The following HOMER1 variants were observed in gnomAD, a reference collection of about 807,000 sequenced individuals.
HOMER1 encodes homer scaffold protein 1, also known as homer protein homolog 1.
A neutral mutation model predicts 48.9 loss-of-function variants in HOMER1; 3 were observed. The ratio of observed to expected loss-of-function variants is 0.06; its 90% CI spans 0.03 to 0.16. The LOEUF is 0.16. Among genes scored for constraint, HOMER1 ranks in the 10% least tolerant of loss-of-function variants. The pLI is 1.00. For synonymous variants in HOMER1, 134 were observed against 146.4 expected (o/e 0.92, Z 0.61); for missense variants, 247 against 411.4 (o/e 0.60, Z 3.46).
intron 8 of HOMER1, among the ~76,000 whole-genome samples, chr5:79,384,345 T>C (rs990314667): frequency 1.3e-5 from 2 of 151,906 alleles, no homozygotes; most frequent in African/African-American, 4.8e-5. Flanking sequence ...ACTACAGAAA[T>C]ACAAAAGATT....
intron 1 of HOMER1, among the ~76,000 whole-genome samples, chr5:79,466,485 A>C (rs980498904): frequency 6.7e-6 from 1 of 149,988 alleles, no homozygotes; most frequent in African/African-American, 2.5e-5. Context: ...CCAACAGAGG[A>C]GACCCTGTCT....
intron 5 of HOMER1, among the ~76,000 whole-genome samples, chr5:79,404,758 G>A (rs904258102): frequency 3.3e-5 from 5 of 152,036 alleles, no homozygotes; most frequent in Non-Finnish European, 7.4e-5. Context: ...AGGCTGGAGT[G>A]CAATGGCACA....
chr5:79,434,067 T>G (rs1242041092), intron 5 of HOMER1, among the ~76,000 whole-genome samples: 1 of 152,106 alleles, frequency 6.6e-6, no homozygotes, highest in Admixed American at 6.5e-5. Context: ...AAGAGCCCAT[T>G]TTCTATCAAG....
intron 5 of HOMER1, among the ~76,000 whole-genome samples, chr5:79,428,483 A>C (rs1750331740): frequency 6.6e-6 from 1 of 152,156 alleles, no homozygotes; most frequent in African/African-American, 2.4e-5. Context: ...TCCTGATAGG[A>C]AAGGAGGAAG....
intron 5 of HOMER1, among the ~76,000 whole-genome samples, chr5:79,426,311 C>T (rs746805010): frequency 3.8e-4 from 57 of 151,978 alleles, no homozygotes; most frequent in African/African-American, 6.3e-4. Context: ...AAAAGATATC[C>T]GCAATCCCAT....
At chr5:79,435,813 A>C (rs922250305) in intron 5 of HOMER1, among the ~76,000 whole-genome samples, 11 of 150,460 alleles carry the variant, frequency 7.3e-5, no homozygotes, top group Non-Finnish European at 1.6e-4. Context: ...CCTGGGCAAC[A>C]GAGTGAGACT....
At chr5:79,380,451 T>C (rs556856385) in intron 8 of HOMER1, among the ~76,000 whole-genome samples, 1 of 152,238 alleles carries the variant, frequency 6.6e-6, no homozygotes, top group Non-Finnish European at 1.5e-5. Flanking sequence ...TGCAGGCTAC[T>C]GCACCCAGGC....
chr5:79,382,449 G>T (rs1012885123), intron 8 of HOMER1, among the ~76,000 whole-genome samples: 13 of 152,070 alleles, frequency 8.5e-5, no homozygotes, highest in African/African-American at 3.1e-4. Flanking sequence ...GACCAACAGG[G>T]CATTTCTCAG....
intron 8 of HOMER1, among the ~76,000 whole-genome samples, chr5:79,382,382 A>G (rs1041068867): frequency 6.6e-5 from 10 of 152,236 alleles, no homozygotes; most frequent in Non-Finnish European, 1.5e-4. Flanking sequence ...GTCTAAAGAC[A>G]AAATTCTAAA....
At chr5:79,386,964 C>T (rs908688275) in intron 8 of HOMER1, among the ~76,000 whole-genome samples, 20 of 141,406 alleles carry the variant, frequency 1.4e-4, no homozygotes, top group African/African-American at 5.3e-4. Flanking sequence ...TCTTCCTTCC[C>T]TTCCCTTCTT....
intron 1 of HOMER1, among the ~76,000 whole-genome samples, chr5:79,470,808 T>C (rs1470390428): frequency 1.3e-5 from 2 of 152,140 alleles, no homozygotes; most frequent in Admixed American, 6.6e-5. Context: ...AGCCACTATA[T>C]AGCCATGAGA....
At chr5:79,430,370 A>G (rs1750389831) in intron 5 of HOMER1, among the ~76,000 whole-genome samples, 1 of 152,230 alleles carries the variant, frequency 6.6e-6, no homozygotes, top group African/African-American at 2.4e-5. Flanking sequence ...AAAGACAGAC[A>G]ATAACAAGTG....
intron 1 of HOMER1, among the ~76,000 whole-genome samples, chr5:79,473,161 G>A (rs923378036): frequency 2.0e-5 from 3 of 152,200 alleles, no homozygotes; most frequent in Admixed American, 6.5e-5. Flanking sequence ...AACAAGTACA[G>A]ATAAATAATA....
intron 8 of HOMER1, among the ~76,000 whole-genome samples, chr5:79,384,322 C>T (rs1749053860): frequency 6.6e-6 from 1 of 152,052 alleles, no homozygotes; most frequent in African/African-American, 2.4e-5. Flanking sequence ...GAAAAGGAAG[C>T]ATTACGACTC....
chr5:79,434,426 C>T (rs543216314), intron 5 of HOMER1, among the ~76,000 whole-genome samples: 1 of 151,828 alleles, frequency 6.6e-6, no homozygotes, highest in Admixed American at 6.6e-5. Context: ...GAGAACAAAA[C>T]CTTCCCTCTT....
intron 8 of HOMER1, among the ~76,000 whole-genome samples, chr5:79,386,834 T>G (rs1249694817): frequency 6.6e-6 from 1 of 152,106 alleles, no homozygotes; most frequent in Non-Finnish European, 1.5e-5. Flanking sequence ...GAGCCTAAAA[T>G]ACTACAATGA....
intron 7 of HOMER1, 146 bp downstream of exon 7, chr5:79,397,381 T>C: frequency 1.6e-6 from 1 of 634,098 alleles, no homozygotes; most frequent in Non-Finnish European, 2.8e-6. Context: ...ATGAGCAAGC[T>C]TAATACCACT....
intron 1 of HOMER1, among the ~76,000 whole-genome samples, chr5:79,487,549 A>T (rs1167213217): frequency 3.3e-5 from 5 of 152,192 alleles, no homozygotes; most frequent in African/African-American, 1.2e-4. Context: ...AAAGGATACC[A>T]TGAGTCTGCC....
intron 1 of HOMER1, among the ~76,000 whole-genome samples, chr5:79,469,767 T>C (rs754067158): frequency 3.0e-4 from 46 of 152,052 alleles, no homozygotes; most frequent in Non-Finnish European, 4.6e-4. Context: ...CGCTGGGACA[T>C]TGGACACAAG....
Sources: allele counts gnomAD v4.1 joint callset (sites outside exome capture counted in the v4.1 genomes callset), GRCh38; gene constraint gnomAD v4.1.1; transcripts MANE v1.5; gene names NCBI Gene and HGNC (gene_info 2026-07-23, HGNC 2026-07-21).